Variants in OTOGL observed in about 807,000 individuals in gnomAD.
OTOGL encodes the protein otogelin-like protein.
Under a neutral mutation model 318.5 loss-of-function variants are expected in OTOGL, and 285 were observed. The ratio of observed to expected loss-of-function variants is 0.89; its 90% confidence interval spans 0.81 to 0.99. The LOEUF (loss-of-function observed/expected upper bound fraction) is 0.99, where lower values mean the gene tolerates loss of function less well. Among genes scored for constraint, OTOGL ranks in the 50% least tolerant of loss-of-function variants. The pLI is 0.00. For synonymous variants in OTOGL, 987 were observed against 936.5 expected, an observed-to-expected ratio of 1.05 and a Z score of -0.99; for missense variants, 2,899 against 2,845.6, an observed-to-expected ratio of 1.02 and a Z score of -0.43.
intron 1 of OTOGL, among the ~76,000 whole-genome samples, chr12:80,152,885 G>A (rs954093716): frequency 2.6e-5 from 4 of 152,070 alleles, no homozygotes; most frequent in African/African-American, 9.7e-5. Context: ...GTAGAGACAG[G>A]GTTTCACCAT....
chr12:80,180,580 T>A lies in OTOGL; in HGVS notation c.-19-28833T>A, dbSNP rs147126634. Reference sequence around the variant, plus strand: ...GGAGCCTTTTGTTGTGGAAGCCCCATTTAAGGTGGGTCAGTTTGTGAGAAA... The same window carrying A: ...GGAGCCTTTTGTTGTGGAAGCCCCAATTAAGGTGGGTCAGTTTGTGAGAAA... On this transcript the variant is annotated intron_variant, in intron 1 of 58. Coordinates refer to ENST00000547103, the MANE Select transcript of OTOGL (RefSeq NM_001378609.3). Among the ~76,000 whole-genome samples, 506 of 152,288 alleles carry A rather than the reference T, an allele frequency of 3.3e-3. 4 individuals carry two copies. The highest frequency in any genetic ancestry group is 0.012 in the African/African-American group (490 of 41,558).
intron 26 of OTOGL, among the ~76,000 whole-genome samples, chr12:80,292,500 AAAGT>A (rs1332328834): frequency 2.6e-5 from 4 of 152,208 alleles, no homozygotes; most frequent in African/African-American, 9.6e-5. Flanking sequence ...CACAATCTCC[AAAGT>A]AATCAGAAAC....
At position 80,265,060 on chromosome 12, in the gene OTOGL, T is replaced by C. The variant is rs1882841369; in HGVS notation, c.2074T>C (p.Tyr692His). The C allele has an allele frequency of 6.2e-7, 1 of 1,613,924 alleles. No homozygotes were observed. The highest frequency in any genetic ancestry group is 2.2e-5 in the East Asian group (1 of 44,870). The part of the protein sequence containing the change: ...HQELFAPCHI[Y>H]ISPGLYYQLC... Reference sequence around the variant, plus strand: ...GGAGCTCTTTGCTCCTTGCCACATCTATATTAGCCCTGGGCTGTACTATCA... The same window carrying C: ...GGAGCTCTTTGCTCCTTGCCACATCCATATTAGCCCTGGGCTGTACTATCA... The change falls in exon 20 of 59, where the codon TAT becomes CAT. Residue 692 changes from tyrosine to histidine, a missense_variant. Coordinates refer to ENST00000547103, the MANE Select transcript of OTOGL (RefSeq NM_001378609.3).
chr12:80,287,241 A>T (rs1229013386), intron 26 of OTOGL, among the ~76,000 whole-genome samples: 2 of 151,644 alleles, frequency 1.3e-5, no homozygotes, highest in African/African-American at 4.9e-5. Context: ...TTCTAATTTG[A>T]TTGCAGTGTG....
At chr12:80,281,664 A>G (rs140613709) in intron 26 of OTOGL, among the ~76,000 whole-genome samples, 3 of 151,386 alleles carry the variant, frequency 2.0e-5, no homozygotes, top group Admixed American at 2.0e-4. Flanking sequence ...TTCTTTTTTC[A>G]TTGTATCTCT....
intron 56 of OTOGL, 94 bp from the exon 57 acceptor site, chr12:80,371,924 TA>T: frequency 1.4e-6 from 1 of 697,456 alleles, no homozygotes; most frequent in East Asian, 3.4e-5. Context: ...TGGTATTTGA[TA>T]AAAGTTTTAG....
At chr12:80,366,246 G>A (rs1454996299) in intron 52 of OTOGL, 3 of 430,264 alleles carry the variant, frequency 7.0e-6, no homozygotes, top group Admixed American at 5.0e-5. Flanking sequence ...TACTCATTGT[G>A]TTGCTGATGT....
rs1392118770 is a variant in OTOGL, at chr12:80,132,670, T to C, written c.-20+33065T>C. 2.6e-5 allele frequency: 4 copies of C among 152,348 alleles called. No individual in the cohort carries two copies. In the East Asian group the frequency reaches 7.7e-4, roughly 29 times the overall value. The allele number at this position is 152,348 out of a possible 1,614,324, so 9.4% of individuals were successfully genotyped here. ...TTTTGCAAAATTTGCCTTGGATTCA[T>C]TGAGAATCTGCCCAGGTAATCAAGA... On this transcript the variant is annotated intron_variant, in intron 1 of 58. Coordinates refer to ENST00000547103, the MANE Select transcript of OTOGL (RefSeq NM_001378609.3).
intron 1 of OTOGL, among the ~76,000 whole-genome samples, chr12:80,101,516 T>G (rs73355059): frequency 0.054 from 8,287 of 152,262 alleles, 752 homozygotes; most frequent in African/African-American, 0.19. Flanking sequence ...AACTGCATTA[T>G]AATTCAATTA....
At chr12:80,244,145 G>A (rs1284884062) in intron 11 of OTOGL, among the ~76,000 whole-genome samples, 1 of 150,610 alleles carries the variant, frequency 6.6e-6, no homozygotes, top group Non-Finnish European at 1.5e-5. Context: ...ATGGAAGAAG[G>A]ACGAAAGTCC....
chr12:80,231,320 T>A (rs1879338118), intron 8 of OTOGL, among the ~76,000 whole-genome samples: 2 of 152,326 alleles, frequency 1.3e-5, no homozygotes, highest in South Asian at 4.1e-4. Context: ...AGAGTCTTTT[T>A]TATGTATTCT....
At chr12:80,171,596 CA>C (rs1166988772) in intron 1 of OTOGL, among the ~76,000 whole-genome samples, 2 of 152,138 alleles carry the variant, frequency 1.3e-5, no homozygotes, top group African/African-American at 4.8e-5. Flanking sequence ...TCTGAAAAAT[CA>C]GGTTCTGTGA....
At chr12:80,130,410 T>C (rs79242384) in intron 1 of OTOGL, among the ~76,000 whole-genome samples, 2,052 of 152,328 alleles carry the variant, frequency 0.013, 30 homozygotes, top group Non-Finnish European at 0.021. Flanking sequence ...ATGCTTTCAA[T>C]GACAACTTGA....
rs1211033562 is a variant in OTOGL, at chr12:80,312,519, G to GA, written c.3451-956dup. On this transcript the variant is annotated intron_variant, in intron 30 of 58. Transcript: ENST00000547103. ...ATCCCATAAACAAAACCTCTTTGGG[G>GA]ATCTCAGTGATTTTTTAAGAGTGTA... 2.0e-5 allele frequency among the ~76,000 whole-genome samples: 3 copies of GA among 152,268 alleles called. No homozygotes were observed. The East Asian group carries it at 5.8e-4, about 29-fold the overall frequency.
At chr12:80,282,276 T>A (rs770760641) in intron 26 of OTOGL, among the ~76,000 whole-genome samples, 3 of 151,982 alleles carry the variant, frequency 2.0e-5, no homozygotes, top group Admixed American at 6.6e-5. Flanking sequence ...TGTGTGATTC[T>A]GTTATTTAAG....
At chr12:80,356,301 A>G (rs1452080178) in intron 47 of OTOGL, 115 bp from the exon 48 acceptor site, 5 of 759,180 alleles carry the variant, frequency 6.6e-6, no homozygotes, top group Middle Eastern at 3.0e-4. Flanking sequence ...ATGCATAATG[A>G]GAGTCATTTC....
At chr12:80,287,374 T>C (rs1884712878) in intron 26 of OTOGL, among the ~76,000 whole-genome samples, 1 of 151,726 alleles carries the variant, frequency 6.6e-6, no homozygotes, top group African/African-American at 2.4e-5. Flanking sequence ...GTATATTCTG[T>C]TGATTTGGGG....
At chr12:80,211,878 T>C in intron 3 of OTOGL, 71 bp from the exon 4 acceptor site, 1 of 1,233,116 alleles carries the variant, frequency 8.1e-7, no homozygotes, top group Admixed American at 2.2e-5. Flanking sequence ...ACACCAGCTC[T>C]CTCTTGGGAA....
At chr12:80,321,909 G>T (rs562454822) in intron 34 of OTOGL, among the ~76,000 whole-genome samples, 1 of 152,180 alleles carries the variant, frequency 6.6e-6, no homozygotes, top group African/African-American at 2.4e-5. Flanking sequence ...GCTCAGAAAA[G>T]CCCAGGGTGA....
Sources: allele counts gnomAD v4.1 joint callset (sites outside exome capture counted in the v4.1 genomes callset), GRCh38; gene constraint gnomAD v4.1.1; transcripts MANE v1.5; gene names NCBI Gene and HGNC (gene_info 2026-07-23, HGNC 2026-07-21).